The following KDM4B variants were observed in gnomAD, a reference collection of about 807,000 sequenced individuals.
KDM4B encodes the protein lysine-specific demethylase 4B.
Under a neutral mutation model 125.2 loss-of-function variants are expected in KDM4B, and 32 were observed. The observed-to-expected ratio is 0.26, with a 90% CI of 0.19 to 0.34. KDM4B has a LOEUF of 0.34. Among genes scored for constraint, KDM4B ranks in the 10% least tolerant of loss-of-function variants. The probability of loss-of-function intolerance (pLI) is 1.00; values close to 1 mark genes in which losing one functional copy is unlikely to be tolerated. For missense variants in KDM4B, 1,190 were observed against 1,577.7 expected, an observed-to-expected ratio of 0.75 and a Z score of 4.16; for synonymous variants, 721 against 677.9, an observed-to-expected ratio of 1.06 and a Z score of -0.99.
chr19:5,035,825 G>A lies in KDM4B; in HGVS notation c.141+2794G>A, dbSNP rs930841071. On this transcript the variant is annotated intron_variant, in intron 3 of 22. Coordinates refer to ENST00000159111, the MANE Select transcript of KDM4B (RefSeq NM_015015.3). The surrounding 1 kb of genome is among the most constrained non-coding windows in gnomAD (Gnocchi z 5.3). ...GGGCTGGGCAGTAGGGGGCCGTCCG[G>A]GTCCCATGCTGTGGAGGGGCTGTGT... is the stretch of plus-strand genomic sequence containing the variant. Among the ~76,000 whole-genome samples the A allele has an allele frequency of 1.2e-3, 177 of 152,002 alleles. 1 individual carries two copies. The highest frequency in any genetic ancestry group is 4.1e-3 in the African/African-American group (171 of 41,456).
At chr19:5,075,397 A>G (rs1355995249) in intron 7 of KDM4B, 1 of 152,328 alleles carries the variant, frequency 6.6e-6, no homozygotes, top group South Asian at 2.1e-4. Context: ...CTTACCCGCC[A>G]AATGCACGGG....
chr19:5,111,315 G>A (rs556785466), intron 10 of KDM4B: 2 of 732,348 alleles, frequency 2.7e-6, no homozygotes, highest in African/African-American at 1.7e-5. Flanking sequence ...TTGAGATCGT[G>A]GAGAGGATTT....
intron 9 of KDM4B, among the ~76,000 whole-genome samples, chr19:5,102,723 G>GTGACGGGTGACGGT (rs1486727239): frequency 6.6e-6 from 1 of 152,148 alleles, no homozygotes; most frequent in Non-Finnish European, 1.5e-5. Flanking sequence ...CGGGTGACGG[G>GTGACGGGTGACGGT]TGATGGGTGC....
At chr19:5,037,621 T>C (rs1260655692) in intron 3 of KDM4B, among the ~76,000 whole-genome samples, 1 of 152,160 alleles carries the variant, frequency 6.6e-6, no homozygotes, top group Admixed American at 6.5e-5. Context: ...GGTTTAACTC[T>C]AAATTAGTGT....
chr19:5,091,353 T>C (rs1457811325), intron 9 of KDM4B, among the ~76,000 whole-genome samples: 1 of 152,204 alleles, frequency 6.6e-6, no homozygotes, highest in African/African-American at 2.4e-5. Context: ...CTGCCAGCTG[T>C]CTGTGGGTGA....
chr19:5,051,159 C>T (rs557819586), intron 6 of KDM4B, among the ~76,000 whole-genome samples: 14 of 152,350 alleles, frequency 9.2e-5, no homozygotes, highest in African/African-American at 3.1e-4. Flanking sequence ...AAGAGAGTTC[C>T]AGGCCGGGGT....
chr19:4,977,328 CG>C (rs1253646785), intron 1 of KDM4B, among the ~76,000 whole-genome samples: 1 of 152,226 alleles, frequency 6.6e-6, no homozygotes, highest in South Asian at 2.1e-4. Context: ...CTCAAGACCC[CG>C]AGGGCTCTCA....
chr19:5,061,288 T>C (rs2037589109), intron 6 of KDM4B, among the ~76,000 whole-genome samples: 2 of 152,238 alleles, frequency 1.3e-5, no homozygotes, highest in African/African-American at 4.8e-5. Context: ...AGGACTCTGC[T>C]GGTCTCCTGT....
intron 1 of KDM4B, among the ~76,000 whole-genome samples, chr19:4,985,608 A>T (rs1210104252): frequency 2.0e-5 from 3 of 152,126 alleles, no homozygotes; most frequent in Admixed American, 1.3e-4. Context: ...GTGAGGATGG[A>T]ATTAAGGGAT....
intron 6 of KDM4B, among the ~76,000 whole-genome samples, chr19:5,058,565 G>A (rs1231957505): frequency 6.6e-6 from 1 of 152,332 alleles, no homozygotes; most frequent in Admixed American, 6.5e-5. Flanking sequence ...TTTCGGGCCA[G>A]GGCCTGGGTG....
intron 6 of KDM4B, among the ~76,000 whole-genome samples, chr19:5,054,165 A>G (rs1384721737): frequency 6.6e-6 from 1 of 152,104 alleles, no homozygotes; most frequent in Non-Finnish European, 1.5e-5. Flanking sequence ...CCTCACTGCA[A>G]CCTTAACCTC....
intron 6 of KDM4B, among the ~76,000 whole-genome samples, chr19:5,054,300 C>G (rs184655504): frequency 6.6e-6 from 1 of 152,144 alleles, no homozygotes; most frequent in Non-Finnish European, 1.5e-5. Flanking sequence ...GGGCTGGTCT[C>G]GAACTCCTGG....
At position 5,131,087 on chromosome 19, in the gene KDM4B, G is replaced by C. The variant is rs1407911367; in HGVS notation, c.1327G>C (p.Gly443Arg). Reference protein sequence around the residue: ...EAEGAEEDGRGKLRPTKAKSE... With the variant: ...EAEGAEEDGRRKLRPTKAKSE... ...TCCTCTTCCCACAGAGGACGGGAGGGGCAAGCTGCGGCCAACCAAGGCCAA... is the reference window on the plus strand; with the variant it reads ...TCCTCTTCCCACAGAGGACGGGAGGCGCAAGCTGCGGCCAACCAAGGCCAA... The change falls in exon 12 of 23, where the codon GGC becomes CGC. Residue 443 changes from glycine to arginine, a missense_variant. By Grantham distance (125) the Gly-to-Arg change is moderately radical. Around this residue, in one of 7 missense-constraint regions of KDM4B, gnomAD observed 428 missense variants for 405.1 expected, o/e 1.06. Transcript: ENST00000159111. 1 of 1,511,528 alleles carries C rather than the reference G, an allele frequency of 6.6e-7. No individual in the cohort carries two copies. The highest frequency in any genetic ancestry group is 2.3e-5 in the East Asian group (1 of 43,766). The allele number at this position is 1,511,528 out of a possible 1,614,324, so 93.6% of individuals were successfully genotyped here.
At position 5,144,029 on chromosome 19, in the gene KDM4B, C is replaced by T. The variant is rs377371964; in HGVS notation, c.2613C>T (p.Tyr871=). 46 of 1,600,966 alleles carry T rather than the reference C, an allele frequency of 2.9e-5. No homozygotes were observed. The highest frequency in any genetic ancestry group is 2.4e-4 in the African/African-American group (18 of 74,810). The change falls in exon 19 of 23, where the codon TAC becomes TAT. Residue 871 remains tyrosine, a synonymous_variant. Transcript: ENST00000159111. ...CAGGTGCCTGTATCCAGTGCTCCTA[C>T]GAGCACTGCTCCACGTCCTTCCACG... The part of the protein sequence containing the change: ...KVSGACIQCS[Y]EHCSTSFHVT...
In KDM4B at chr19:5,016,813, G is replaced by A. The variant is rs113265438; in HGVS notation, c.-26+474G>A. On this transcript the variant is annotated intron_variant, in intron 2 of 22. Transcript: ENST00000159111. ...TTTGAGGTAGTTCCATGGCCCAGCC[G>A]CCCCGGGTTTAGTTCCTTTTCTTGT... Among the ~76,000 whole-genome samples, 911 of 152,286 alleles carry A rather than the reference G, an allele frequency of 6.0e-3. 7 individuals are homozygous for A. Among genetic ancestry groups the A allele is most frequent in the Admixed American group, 0.011 (173 of 15,290 alleles).
intron 5 of KDM4B, among the ~76,000 whole-genome samples, chr19:5,045,577 T>C (rs2037000123): frequency 6.6e-6 from 1 of 151,932 alleles, no homozygotes; most frequent in African/African-American, 2.4e-5. Context: ...TTTTTTTTTT[T>C]TTGAGATGGA....
chr19:5,110,595 G>A, intron 9 of KDM4B, 27 bp from the exon 10 acceptor site: 2 of 1,611,728 alleles, frequency 1.2e-6, no homozygotes, highest in Non-Finnish European at 1.7e-6. Flanking sequence ...TGTGGCGCGA[G>A]GGCTCAGACC....
intron 2 of KDM4B, among the ~76,000 whole-genome samples, chr19:5,016,882 C>T (rs2035908493): frequency 6.6e-6 from 1 of 152,224 alleles, no homozygotes; most frequent in Admixed American, 6.5e-5. Flanking sequence ...CCTCTGGTGG[C>T]AGCCCAGGGG....
chr19:5,048,367 CCT>C (rs1282307137), intron 6 of KDM4B, among the ~76,000 whole-genome samples: 4 of 152,324 alleles, frequency 2.6e-5, no homozygotes, highest in South Asian at 2.1e-4. Context: ...TGTGTGTGCC[CCT>C]GTGTCACCGG....
Sources: gnomAD v4.1 joint callset for allele counts (sites outside exome capture counted in the v4.1 genomes callset) on GRCh38, gnomAD v4.1.1 for gene constraint, gnomAD v4.1.1 regional missense constraint, Gnocchi (gnomAD v3.1) non-coding constraint, MANE v1.5 for transcripts, NCBI Gene and HGNC (gene_info 2026-07-23, HGNC 2026-07-21) for gene names.